The following ITPRIP variants were observed in gnomAD, a reference collection of about 807,000 sequenced individuals.
The protein encoded by ITPRIP is inositol 1,4,5-trisphosphate receptor-interacting protein.
A neutral mutation model predicts 35.8 loss-of-function variants in ITPRIP; 32 were observed. That is an observed-to-expected ratio of 0.89 (90% CI 0.68 to 1.20). ITPRIP has a LOEUF of 1.20. ITPRIP is among the 50% of genes most tolerant of loss of function. ITPRIP has a pLI of 0.00. For missense variants in ITPRIP, 653 were observed against 735.6 expected (o/e 0.89, Z 1.30); for synonymous variants, 358 against 324.0 (o/e 1.11, Z -1.13).
chr10:104,327,379 C>T (rs1382806282), intron 1 of ITPRIP, among the ~76,000 whole-genome samples: 3 of 152,152 alleles, frequency 2.0e-5, no homozygotes, highest in Non-Finnish European at 2.9e-5. Context: ...CCTGGCCCAA[C>T]CAGCCTCAGA....
At position 104,328,312 on chromosome 10, in the gene ITPRIP, C is replaced by T; in HGVS notation, c.-14+9934G>A. 7 of 985,200 alleles carry T rather than the reference C, an allele frequency of 7.1e-6. No individual in the cohort carries two copies. The highest frequency in any genetic ancestry group is 8.4e-6 in the Non-Finnish European group (7 of 829,722). The allele number at this position is 985,200 out of a possible 1,614,324, so 61.0% of individuals were successfully genotyped here. Reference sequence around the variant, plus strand: ...TTCCCCTAGCCCTGTGGCCGCATCTCACCCACAAGGGTGCTGGTTTGGAGA... The same window carrying T: ...TTCCCCTAGCCCTGTGGCCGCATCTTACCCACAAGGGTGCTGGTTTGGAGA... On this transcript the variant is annotated intron_variant, in intron 1 of 1. Coordinates refer to ENST00000337478, the MANE Select transcript of ITPRIP (RefSeq NM_001272013.2). This position sits in a 1 kb window ranked among gnomAD's most constrained non-coding sequence, Gnocchi z 4.1.
In ITPRIP at chr10:104,312,732, C is replaced by T. The variant is rs1051424925; in HGVS notation, c.*1676G>A. On this transcript the variant is annotated 3_prime_UTR_variant, in exon 2 of 2. Transcript: ENST00000337478. ...CTGGTGGGCAAAGGGTCCATCTTCT[C>T]AAGCTTTCTGAGGCTGGTTGAGAGC... is the stretch of plus-strand genomic sequence containing the variant. 2 of 985,250 alleles carry T rather than the reference C, an allele frequency of 2.0e-6. No homozygotes were observed. The highest frequency in any genetic ancestry group is 3.5e-5 in the African/African-American group (2 of 57,208). 61.0% of individuals were successfully genotyped at this position (985,250 alleles called of 1,614,324 possible).
At position 104,313,303 on chromosome 10, in the gene ITPRIP, G is replaced by T; in HGVS notation, c.*1105C>A. ...ACTGCAAGCCAGACACCACCACCCCGGGTAGCATTTTTGAGCACCTCATCG... is the reference window on the plus strand; with the variant it reads ...ACTGCAAGCCAGACACCACCACCCCTGGTAGCATTTTTGAGCACCTCATCG... On this transcript the variant is annotated 3_prime_UTR_variant, in exon 2 of 2. Coordinates refer to ENST00000337478, the MANE Select transcript of ITPRIP (RefSeq NM_001272013.2). The T allele has an allele frequency of 1.0e-6, 1 of 985,980 alleles. No individual in the cohort carries two copies. The highest frequency in any genetic ancestry group is 1.2e-6 in the Non-Finnish European group (1 of 830,326). The allele number at this position is 985,980 out of a possible 1,614,324, so 61.1% of individuals were successfully genotyped here.
chr10:104,321,212 G>A (rs2013836854), intron 1 of ITPRIP, among the ~76,000 whole-genome samples: 2 of 152,312 alleles, frequency 1.3e-5, no homozygotes, highest in Middle Eastern at 3.4e-3. Context: ...TGAGACATCA[G>A]CTGGTGGGTT....
At chr10:104,331,345 C>T (rs1240611633) in intron 1 of ITPRIP, among the ~76,000 whole-genome samples, 7 of 152,238 alleles carry the variant, frequency 4.6e-5, no homozygotes, top group African/African-American at 1.7e-4. Flanking sequence ...TCGTAAACTT[C>T]AGGCGGGTCC....
At position 104,313,775 on chromosome 10, in the gene ITPRIP, G is replaced by T. The variant is rs543367860; in HGVS notation, c.*633C>A. 1.0e-4 allele frequency: 99 copies of T among 985,566 alleles called. No homozygotes were observed. In the South Asian group the frequency reaches 4.1e-3, roughly 41 times the overall value. 61.1% of individuals were successfully genotyped at this position (985,566 alleles called of 1,614,324 possible). A position where few individuals can be genotyped will look rare whatever the true frequency, so the allele number is the denominator to read the frequency against. On this transcript the variant is annotated 3_prime_UTR_variant, in exon 2 of 2. Transcript: ENST00000337478. ...TAATTGTGTTTCTCTATGCCACCAA[G>T]TACCCATTTCCGTGTGACAGAGACG...
chr10:104,314,917 C>A lies in ITPRIP; in HGVS notation c.1135G>T (p.Asp379Tyr). 6.2e-7 allele frequency: 1 copy of A among 1,613,752 alleles called. No individual in the cohort carries two copies. Among genetic ancestry groups the A allele is most frequent in the Non-Finnish European group, 8.5e-7 (1 of 1,180,018 alleles). Residue 379 changes from aspartate (D) to tyrosine (Y), a missense_variant, in exon 2 of 2, where the codon GAC becomes TAC. Physicochemically the swap from Asp to Tyr is radical, Grantham distance 160 (BLOSUM62 -3). Transcript: ENST00000337478. Reference sequence around the variant, plus strand: ...TAGACAGCAAAGGACAGGAGCCAGTCTGTGCTGGAGGCTGGGGTGCCCTCA... The same window carrying A: ...TAGACAGCAAAGGACAGGAGCCAGTATGTGCTGGAGGCTGGGGTGCCCTCA... ...PSEGTPASST[D>Y]WLLSFAVYER...
In ITPRIP at chr10:104,315,419, G is replaced by A. The variant is rs905114549; in HGVS notation, c.633C>T (p.Phe211=). ...QVDRPLLCHL[F]VPFTPPEPYR... Reference sequence around the variant, plus strand: ...AGGGCTCGGGGGGTGTGAAGGGCACGAAAAGGTGGCACAGCAGTGGCCTGT... The same window carrying A: ...AGGGCTCGGGGGGTGTGAAGGGCACAAAAAGGTGGCACAGCAGTGGCCTGT... The change falls in exon 2 of 2, where the codon TTC becomes TTT. Residue 211 remains phenylalanine, a synonymous_variant. Transcript: ENST00000337478. The surrounding 1 kb of genome is among the most constrained non-coding windows in gnomAD (Gnocchi z 5.7). The A allele has an allele frequency of 5.0e-6, 8 of 1,592,702 alleles. No homozygotes were observed. Among genetic ancestry groups the A allele is most frequent in the Non-Finnish European group, 6.0e-6 (7 of 1,166,366 alleles).
chr10:104,320,018 A>G (rs969835965), intron 1 of ITPRIP, among the ~76,000 whole-genome samples: 1 of 152,200 alleles, frequency 6.6e-6, no homozygotes, highest in Non-Finnish European at 1.5e-5. Context: ...GAAAGAAATC[A>G]AAGTATTTTA....
chr10:104,316,180 A>C (rs937755019), intron 1 of ITPRIP, 116 bp from the exon 2 acceptor site: 16 of 829,042 alleles, frequency 1.9e-5, no homozygotes, highest in Admixed American at 6.6e-5. Flanking sequence ...CTCCCACCCA[A>C]CCCATCGAGA....
At position 104,310,615 on chromosome 10, in the gene ITPRIP, A is replaced by G. The variant is rs1399563159; in HGVS notation, c.*3793T>C. ...TTTCCTTATCTGGAAAGCAGGGAGG[A>G]TAAGAATAGCACCTACATCATAGGA... On this transcript the variant is annotated 3_prime_UTR_variant, in exon 2 of 2. Transcript: ENST00000337478. 1.3e-5 allele frequency: 2 copies of G among 152,122 alleles called. No individual in the cohort carries two copies. Among genetic ancestry groups the G allele is most frequent in the East Asian group, 3.9e-4 (2 of 5,188 alleles). 9.4% of individuals were successfully genotyped at this position (152,122 alleles called of 1,614,324 possible).
At chr10:104,331,387 G>C (rs1210842784) in intron 1 of ITPRIP, among the ~76,000 whole-genome samples, 3 of 152,246 alleles carry the variant, frequency 2.0e-5, no homozygotes, top group Admixed American at 2.0e-4. Flanking sequence ...ATTGAAGCCG[G>C]CTCCCATGAG....
Position 104,315,944 on chromosome 10 carries a change from C to G in ITPRIP, c.108G>C (p.Glu36Asp). The change falls in exon 2 of 2, where the codon GAG becomes GAC. Residue 36 changes from glutamate to aspartate, a missense_variant. By Grantham distance (45) the Glu-to-Asp change is conservative (BLOSUM62 2). Coordinates refer to ENST00000337478, the MANE Select transcript of ITPRIP (RefSeq NM_001272013.2). The surrounding 1 kb of genome is among the most constrained non-coding windows in gnomAD (Gnocchi z 5.7). The stretch of plus-strand genomic sequence containing the variant: ...GGTGCGCCTGCATCTTGCGGATGAT[C>G]TCCTCCTCGTTCTCGGGGACTGTGG... ...ENATVPENEE[E>D]IIRKMQAHQE... 6.2e-7 allele frequency: 1 copy of G among 1,613,976 alleles called. No individual in the cohort carries two copies. The highest frequency in any genetic ancestry group is 8.5e-7 in the Non-Finnish European group (1 of 1,180,022).
chr10:104,316,401 C>A (rs1039086725), intron 1 of ITPRIP, among the ~76,000 whole-genome samples: 2 of 152,106 alleles, frequency 1.3e-5, no homozygotes, highest in Admixed American at 6.5e-5. Flanking sequence ...AAACCCAGGC[C>A]CAAGACAATC....
At chr10:104,337,171 C>T (rs1018933879) in intron 1 of ITPRIP, among the ~76,000 whole-genome samples, 2 of 152,202 alleles carry the variant, frequency 1.3e-5, no homozygotes, top group African/African-American at 4.8e-5. Context: ...TTTCAGGGCT[C>T]ACCTGGGCCT....
In ITPRIP at chr10:104,328,512, A is replaced by T. The variant is rs1389076507; in HGVS notation, c.-14+9734T>A. Among the ~76,000 whole-genome samples, 1 of 152,154 alleles carries T rather than the reference A, an allele frequency of 6.6e-6. No individual in the cohort carries two copies. The highest frequency in any genetic ancestry group is 1.5e-5 in the Non-Finnish European group (1 of 68,030). ...GAGGGGAGGCTGCACGCTTAGACGC[A>T]GGCTCTGCACAATAGCAGACACACT... On this transcript the variant is annotated intron_variant, in intron 1 of 1. Coordinates refer to ENST00000337478, the MANE Select transcript of ITPRIP (RefSeq NM_001272013.2). This position sits in a 1 kb window ranked among gnomAD's most constrained non-coding sequence, Gnocchi z 4.1.
chr10:104,337,957 G>A (rs2014271036), intron 1 of ITPRIP, among the ~76,000 whole-genome samples: 1 of 152,220 alleles, frequency 6.6e-6, no homozygotes, highest in South Asian at 2.1e-4. Context: ...CGCGCCTCGA[G>A]GAGGAGCTGC....
chr10:104,313,007 G>A lies in ITPRIP; in HGVS notation c.*1401C>T. 1.0e-6 allele frequency: 1 copy of A among 985,440 alleles called. No individual in the cohort carries two copies. The highest frequency in any genetic ancestry group is 1.2e-6 in the Non-Finnish European group (1 of 829,968). 61.0% of individuals were successfully genotyped at this position (985,440 alleles called of 1,614,324 possible). A position where few individuals can be genotyped will look rare whatever the true frequency, so the allele number is the denominator to read the frequency against. On this transcript the variant is annotated 3_prime_UTR_variant, in exon 2 of 2. Transcript: ENST00000337478. ...CCCCTGAACCAGACCTGGAGACGGA[G>A]CCCAGCTCCAACCACAGAGCTTCTG...
Position 104,336,399 on chromosome 10 carries a change from C to T in ITPRIP, c.-14+1847G>A, listed in dbSNP as rs796808151. On this transcript the variant is annotated intron_variant, in intron 1 of 1. Transcript: ENST00000337478. ...CATTAAAGCCCCACAGGCTGCCGTG[C>T]CACCTCAACCCTACTGGGGCAGACT... Among the ~76,000 whole-genome samples the T allele has an allele frequency of 9.2e-5, 14 of 152,024 alleles. No homozygotes were observed. The South Asian group carries it at 1.7e-3, about 18-fold the overall frequency.
Sources: allele counts gnomAD v4.1 joint callset (sites outside exome capture counted in the v4.1 genomes callset), GRCh38; gene constraint gnomAD v4.1.1; non-coding constraint Gnocchi (gnomAD v3.1); transcripts MANE v1.5; gene names NCBI Gene and HGNC (gene_info 2026-07-23, HGNC 2026-07-21).